AK9: variants seen among roughly 807,000 people sequenced by gnomAD.
AK9 encodes adenylate kinase domain containing 1.
Under a neutral mutation model 239.6 loss-of-function variants are expected in AK9, and 191 were observed. The ratio of observed to expected loss-of-function variants is 0.80; its 90% CI spans 0.71 to 0.90. The LOEUF (loss-of-function observed/expected upper bound fraction) is 0.90. AK9 is among the 40% of genes least tolerant of loss of function. The pLI is 0.00. For synonymous variants in AK9, 689 were observed against 721.0 expected (o/e 0.96, Z 0.71); for missense variants, 1,995 against 2,214.7 (o/e 0.90, Z 1.99).
chr6:109,686,184 A>C (rs1383475119), intron 1 of AK9, among the ~76,000 whole-genome samples: 1 of 152,224 alleles, frequency 6.6e-6, no homozygotes, highest in Non-Finnish European at 1.5e-5. Context: ...CTTGATCCAC[A>C]ATATTGACAA....
intron 25 of AK9, among the ~76,000 whole-genome samples, chr6:109,546,514 T>C (rs1344302704): frequency 6.6e-6 from 1 of 152,232 alleles, no homozygotes; most frequent in East Asian, 1.9e-4. Context: ...TACAGCCTTC[T>C]CCATTTATTA....
rs1490959951 is a variant in AK9 at position 109,662,650 on chromosome 6, A to G, written c.345T>C (p.Thr115=). ...PEVCHFGYII[T]EIPSLSQDAM... ...CATCCTGTGAAAGTGATGGTATTTC[A>G]GTGATAATATAACCTGTAAAGTAAA... Residue 115 remains threonine, a synonymous_variant, in exon 6 of 41, where the codon ACT becomes ACC. Transcript: ENST00000424296. 6.4e-7 allele frequency: 1 copy of G among 1,565,454 alleles called. No individual in the cohort carries two copies. Among genetic ancestry groups the G allele is most frequent in the Non-Finnish European group, 8.7e-7 (1 of 1,154,366 alleles).
chr6:109,682,043 G>A (rs886676851), intron 1 of AK9, among the ~76,000 whole-genome samples: 1 of 152,280 alleles, frequency 6.6e-6, no homozygotes, highest in South Asian at 2.1e-4. Flanking sequence ...AGAAGCAACA[G>A]TAAACAAATT....
At chr6:109,666,453 G>A (rs1053255288) in intron 5 of AK9, among the ~76,000 whole-genome samples, 4 of 152,136 alleles carry the variant, frequency 2.6e-5, no homozygotes, top group African/African-American at 4.8e-5. Flanking sequence ...CCATGCTAAC[G>A]ATGGAGGAGT....
In AK9 at chr6:109,497,573, CA is replaced by C. The variant is rs1562314968; in HGVS notation, c.5217-11del. The C allele has an allele frequency of 6.5e-7, 1 of 1,540,724 alleles. No individual in the cohort carries two copies. The highest frequency in any genetic ancestry group is 8.9e-7 in the Non-Finnish European group (1 of 1,125,372). ...TACTAGAGCTTCATATCTGGAAGAC[CA>C]AAAAACAAAACAAAACCTCTATTGT... On this transcript the variant is annotated splice_polypyrimidine_tract_variant and intron_variant, in intron 37 of 40. Coordinates refer to ENST00000424296, the MANE Select transcript of AK9 (RefSeq NM_001145128.3).
chr6:109,672,834 C>A (rs1447997536), intron 3 of AK9, among the ~76,000 whole-genome samples: 1 of 152,180 alleles, frequency 6.6e-6, no homozygotes, highest in Non-Finnish European at 1.5e-5. Context: ...ATTTCTAAAT[C>A]ATTTAGTTAC....
chr6:109,560,675 T>A (rs1785639185), intron 24 of AK9, among the ~76,000 whole-genome samples: 1 of 152,234 alleles, frequency 6.6e-6, no homozygotes, highest in South Asian at 2.1e-4. Context: ...TAAAATTTTG[T>A]TAAGAATGTC....
intron 27 of AK9, among the ~76,000 whole-genome samples, chr6:109,534,743 C>T (rs955999562): frequency 3.2e-4 from 48 of 152,110 alleles, no homozygotes; most frequent in Admixed American, 1.2e-3. Flanking sequence ...TCTCCTAATG[C>T]TATCCCTCCC....
chr6:109,658,293 C>T (rs900776404), intron 7 of AK9, among the ~76,000 whole-genome samples: 4 of 152,164 alleles, frequency 2.6e-5, no homozygotes, highest in Admixed American at 6.5e-5. Flanking sequence ...AGCACACTGG[C>T]GTTCATTCAT....
At chr6:109,684,912 A>AAAAAAAAAAG (rs1183838812) in intron 1 of AK9, among the ~76,000 whole-genome samples, 1 of 136,498 alleles carries the variant, frequency 7.3e-6, no homozygotes, top group Non-Finnish European at 1.6e-5. Flanking sequence ...AAAAAAAAAA[A>AAAAAAAAAAG]GTAGGCAAAG....
chr6:109,644,759 A>C (rs1395089996), intron 8 of AK9, 71 bp from the exon 9 acceptor site: 2 of 1,301,148 alleles, frequency 1.5e-6, no homozygotes, highest in African/African-American at 1.5e-5. Flanking sequence ...TCAGAATCTT[A>C]ATATACTGTG....
chr6:109,602,015 T>C (rs1169591995), intron 17 of AK9, among the ~76,000 whole-genome samples: 1 of 152,210 alleles, frequency 6.6e-6, no homozygotes, highest in Non-Finnish European at 1.5e-5. Flanking sequence ...CTGATGGGTC[T>C]TGACTCTTTA....
chr6:109,526,402 G>A (rs750202981), intron 29 of AK9, among the ~76,000 whole-genome samples: 19 of 151,994 alleles, frequency 1.3e-4, no homozygotes, highest in Admixed American at 3.9e-4. Flanking sequence ...AAGGAAGGCC[G>A]GAAAAGGGGA....
At chr6:109,499,004 T>C in intron 36 of AK9, 40 bp downstream of exon 36, 2 of 1,385,074 alleles carry the variant, frequency 1.4e-6, no homozygotes, top group Non-Finnish European at 9.5e-7. Flanking sequence ...TAAGACATTT[T>C]CTTTCTTTAG....
At chr6:109,636,750 TCACACACACACACACACACA>T (rs57475668) in intron 10 of AK9, among the ~76,000 whole-genome samples, 1 of 135,472 alleles carries the variant, frequency 7.4e-6, no homozygotes, top group Non-Finnish European at 1.5e-5. Flanking sequence ...TAATATTCCA[TCACACACACACACACACACA>T]CACACACACA....
In AK9 at chr6:109,493,336, T is replaced by C. The variant is rs1776710208; in HGVS notation, c.*33A>G. On this transcript the variant is annotated 3_prime_UTR_variant, in exon 41 of 41. Coordinates refer to ENST00000424296, the MANE Select transcript of AK9 (RefSeq NM_001145128.3). ...TTTCCCTCTATCACTTTCAGATAAC[T>C]CTTGAGATTCAGGCTGCTATCACCT... The C allele has an allele frequency of 5.7e-6, 9 of 1,588,338 alleles. No individual in the cohort carries two copies. Among genetic ancestry groups the C allele is most frequent in the Admixed American group, 1.7e-5 (1 of 59,428 alleles).
chr6:109,497,666 C>T, intron 37 of AK9, 103 bp from the exon 38 acceptor site: 1 of 1,349,168 alleles, frequency 7.4e-7, no homozygotes, highest in Non-Finnish European at 1.0e-6. Context: ...CTATGTAGCT[C>T]AAGGAAGAAA....
chr6:109,611,862 T>C, intron 16 of AK9, 148 bp downstream of exon 16: 1 of 594,106 alleles, frequency 1.7e-6, no homozygotes. Flanking sequence ...CATAATAGAG[T>C]AGCCATTAAA....
chr6:109,512,511 A>C (rs1334111508), intron 32 of AK9, among the ~76,000 whole-genome samples: 1 of 152,088 alleles, frequency 6.6e-6, no homozygotes, highest in Non-Finnish European at 1.5e-5. Context: ...TTGGTTCTGG[A>C]CCCCTTTCCT....
Sources: gnomAD v4.1 joint callset for allele counts (sites outside exome capture counted in the v4.1 genomes callset) on GRCh38, gnomAD v4.1.1 for gene constraint, MANE v1.5 for transcripts, NCBI Gene and HGNC (gene_info 2026-07-23, HGNC 2026-07-21) for gene names.